The following ATXN1 variants were observed in gnomAD, a reference collection of about 807,000 sequenced individuals.
ATXN1 encodes the protein ataxin-1.
ATXN1 carries 8 observed loss-of-function variants against 56.4 expected under a neutral mutation model. That is an observed-to-expected ratio of 0.14 (90% CI 0.08 to 0.26). The LOEUF (loss-of-function observed/expected upper bound fraction) is 0.26, where lower values mean the gene tolerates loss of function less well. Among genes scored for constraint, ATXN1 ranks in the 10% least tolerant of loss-of-function variants. The pLI is 1.00. For synonymous variants in ATXN1, 514 were observed against 494.6 expected, an observed-to-expected ratio of 1.04 and a Z score of -0.52; for missense variants, 987 against 1,106.5, an observed-to-expected ratio of 0.89 and a Z score of 1.53.
rs1760840088 is a variant in ATXN1, at chr6:16,499,519, G to A, written c.-298-13410C>T. On this transcript the variant is annotated intron_variant, in intron 5 of 7. Transcript: ENST00000436367. ...ACCTCTTGAGGTGGTGCTTTTGCAA[G>A]AACTAATTTTCAAAAGCAACAGTAG... Among the ~76,000 whole-genome samples, 4 of 152,256 alleles carry A rather than the reference G, an allele frequency of 2.6e-5. No homozygotes were observed. In the South Asian group the frequency reaches 8.3e-4, roughly 32 times the overall value.
intron 4 of ATXN1, among the ~76,000 whole-genome samples, chr6:16,553,854 T>C (rs1013190659): frequency 2.0e-5 from 3 of 152,204 alleles, no homozygotes; most frequent in South Asian, 2.1e-4. Context: ...AAAGCTATTA[T>C]AGCTTTCTCC....
chr6:16,636,917 C>T (rs12211723), intron 3 of ATXN1, among the ~76,000 whole-genome samples: 43,601 of 152,122 alleles, frequency 0.29, 6,564 homozygotes, highest in Non-Finnish European at 0.34. Context: ...ACTAGTTCAA[C>T]CATTGTGGAA....
intron 2 of ATXN1, among the ~76,000 whole-genome samples, chr6:16,728,577 C>A (rs982973212): frequency 6.6e-6 from 1 of 152,198 alleles, no homozygotes; most frequent in Non-Finnish European, 1.5e-5. Context: ...AAATGCTACA[C>A]AAATAAGTTA....
intron 2 of ATXN1, among the ~76,000 whole-genome samples, chr6:16,725,808 C>T (rs1759836273): frequency 6.6e-6 from 1 of 152,202 alleles, no homozygotes; most frequent in Non-Finnish European, 1.5e-5. Flanking sequence ...CAAAAGAAAG[C>T]TTAAGCGCTC....
At chr6:16,630,767 A>G (rs1763490211) in intron 3 of ATXN1, among the ~76,000 whole-genome samples, 1 of 152,256 alleles carries the variant, frequency 6.6e-6, no homozygotes, top group Admixed American at 6.5e-5. Context: ...TTAAGACGAC[A>G]TGGCAATAAA....
intron 6 of ATXN1, among the ~76,000 whole-genome samples, chr6:16,435,713 G>A (rs776456245): frequency 1.2e-4 from 18 of 152,048 alleles, no homozygotes; most frequent in Admixed American, 3.9e-4. Flanking sequence ...GAATGTCCTC[G>A]GGCCATCTCC....
intron 3 of ATXN1, among the ~76,000 whole-genome samples, chr6:16,641,853 T>C (rs1385987818): frequency 6.6e-6 from 1 of 152,192 alleles, no homozygotes; most frequent in Non-Finnish European, 1.5e-5. Flanking sequence ...TTAAGAACAT[T>C]TGATTCATGG....
chr6:16,412,036 T>C (rs551514787), intron 6 of ATXN1, among the ~76,000 whole-genome samples: 1 of 152,344 alleles, frequency 6.6e-6, no homozygotes, highest in South Asian at 2.1e-4. Flanking sequence ...GTGCATGAAG[T>C]ACTGTATAGG....
At chr6:16,737,135 T>C (rs547403442) in intron 2 of ATXN1, 2 of 152,304 alleles carry the variant, frequency 1.3e-5, no homozygotes, top group African/African-American at 4.8e-5. Flanking sequence ...TATTTAAATA[T>C]CGTGAAATAT....
At chr6:16,485,726 T>C (rs1223401827) in intron 6 of ATXN1, 65 of 152,188 alleles carry the variant, frequency 4.3e-4, no homozygotes, top group Admixed American at 4.3e-3. Flanking sequence ...TTCCATCCTT[T>C]TATTCCTGAA....
In ATXN1 at chr6:16,694,694, T is replaced by C. The variant is rs575817275; in HGVS notation, c.-614-36793A>G. On this transcript the variant is annotated intron_variant, in intron 2 of 7. Transcript: ENST00000436367. Reference sequence around the variant, plus strand: ...GCTGAGAGAGAAACAAGTGGTCGTCTACAATAACCTTCTATCCAACTCACA... The same window carrying C: ...GCTGAGAGAGAAACAAGTGGTCGTCCACAATAACCTTCTATCCAACTCACA... Among the ~76,000 whole-genome samples the C allele has an allele frequency of 5.9e-5, 9 of 152,348 alleles. No homozygotes were observed. The East Asian group carries it at 9.6e-4, about 16-fold the overall frequency.
chr6:16,338,313 G>T (rs1761170167), intron 6 of ATXN1, among the ~76,000 whole-genome samples: 1 of 151,970 alleles, frequency 6.6e-6, no homozygotes, highest in East Asian at 1.9e-4. Context: ...ATAACACAGT[G>T]AAATCCTGTC....
At chr6:16,573,485 G>A (rs934114168) in intron 4 of ATXN1, among the ~76,000 whole-genome samples, 5 of 148,258 alleles carry the variant, frequency 3.4e-5, no homozygotes, top group Admixed American at 6.6e-5. Context: ...TTCCTGACTC[G>A]CCTGTCCCCT....
At chr6:16,729,927 C>T (rs565063652) in intron 2 of ATXN1, among the ~76,000 whole-genome samples, 12 of 152,268 alleles carry the variant, frequency 7.9e-5, no homozygotes, top group Admixed American at 5.9e-4. Context: ...ACCTTTCTTC[C>T]TTTTTCCCCA....
At chr6:16,331,473 G>C (rs927767300) in intron 6 of ATXN1, among the ~76,000 whole-genome samples, 3 of 152,190 alleles carry the variant, frequency 2.0e-5, no homozygotes, top group Non-Finnish European at 4.4e-5. Context: ...TCATGCGTGA[G>C]ACCTACTCAG....
chr6:16,435,259 G>A (rs1397986451), intron 6 of ATXN1, among the ~76,000 whole-genome samples: 1 of 152,138 alleles, frequency 6.6e-6, no homozygotes, highest in Non-Finnish European at 1.5e-5. Context: ...TGGAGACACA[G>A]GCCCGAAGAT....
intron 2 of ATXN1, among the ~76,000 whole-genome samples, chr6:16,706,690 C>T (rs1455583714): frequency 6.7e-6 from 1 of 149,048 alleles, no homozygotes; most frequent in South Asian, 2.1e-4. Flanking sequence ...CACCATTGCG[C>T]TCCAGCCTGG....
intron 2 of ATXN1, among the ~76,000 whole-genome samples, chr6:16,718,253 T>C (rs79318826): frequency 0.014 from 2,128 of 152,348 alleles, 57 homozygotes; most frequent in African/African-American, 0.048. Flanking sequence ...AATATGACAG[T>C]GAATTATGCC....
chr6:16,711,023 C>T (rs1053993142), intron 2 of ATXN1, among the ~76,000 whole-genome samples: 5 of 152,188 alleles, frequency 3.3e-5, no homozygotes, highest in Non-Finnish European at 7.4e-5. Flanking sequence ...GCTGGGATTA[C>T]AGGCAAGAGC....
Sources: allele counts gnomAD v4.1 joint callset (sites outside exome capture counted in the v4.1 genomes callset), GRCh38; gene constraint gnomAD v4.1.1; transcripts MANE v1.5; gene names NCBI Gene and HGNC (gene_info 2026-07-23, HGNC 2026-07-21).